PDE4B: variants seen among roughly 807,000 people sequenced by gnomAD.
The protein encoded by PDE4B is phosphodiesterase 4B.
A neutral mutation model predicts 82.2 loss-of-function variants in PDE4B; 20 were observed. The ratio of observed to expected loss-of-function variants is 0.24; its 90% CI spans 0.17 to 0.35. The LOEUF (loss-of-function observed/expected upper bound fraction) is 0.35, where lower values mean the gene tolerates loss of function less well. PDE4B is among the 10% of genes least tolerant of loss of function. PDE4B has a pLI of 1.00. For missense variants in PDE4B, 655 were observed against 907.2 expected (o/e 0.72, Z 3.57); for synonymous variants, 320 against 318.9 (o/e 1.00, Z -0.04).
At chr1:66,142,683 G>A (rs1646196477) in intron 3 of PDE4B, among the ~76,000 whole-genome samples, 1 of 152,158 alleles carries the variant, frequency 6.6e-6, no homozygotes, top group Non-Finnish European at 1.5e-5. Flanking sequence ...TACATACAGA[G>A]CATTTGCATC....
intron 3 of PDE4B, among the ~76,000 whole-genome samples, chr1:66,192,184 C>G (rs575572297): frequency 4.6e-5 from 7 of 151,796 alleles, no homozygotes; most frequent in South Asian, 2.1e-4. Flanking sequence ...ACTGTTCTAT[C>G]TCTCTCTCTC....
intron 1 of PDE4B, among the ~76,000 whole-genome samples, chr1:65,840,844 A>G (rs1478091243): frequency 6.6e-6 from 1 of 152,220 alleles, no homozygotes; most frequent in African/African-American, 2.4e-5. Flanking sequence ...GTCGCATTGA[A>G]TCAAATGTTT....
intron 3 of PDE4B, among the ~76,000 whole-genome samples, chr1:66,084,037 A>G (rs187560495): frequency 6.6e-6 from 1 of 152,176 alleles, no homozygotes; most frequent in Non-Finnish European, 1.5e-5. Context: ...ATCCTCAGCC[A>G]TTGAGTTATC....
At chr1:66,080,016 C>A (rs555256964) in intron 3 of PDE4B, among the ~76,000 whole-genome samples, 1 of 152,206 alleles carries the variant, frequency 6.6e-6, no homozygotes, top group East Asian at 1.9e-4. Flanking sequence ...CCAACAAAAG[C>A]CTGTTCTGTC....
chr1:66,344,006 C>T (rs1661213533), intron 8 of PDE4B, among the ~76,000 whole-genome samples: 1 of 152,170 alleles, frequency 6.6e-6, no homozygotes, highest in Non-Finnish European at 1.5e-5. Flanking sequence ...CTCCAACTCC[C>T]ACTCTGGATC....
In PDE4B at chr1:66,306,065, A is replaced by G. The variant is rs1023942789; in HGVS notation, c.635-26443A>G. 3.9e-5 allele frequency among the ~76,000 whole-genome samples: 6 copies of G among 152,174 alleles called. No homozygotes were observed. In the South Asian group the frequency reaches 8.3e-4, roughly 21 times the overall value. ...GGCAAGAATTTCAATAAGGGATTAT[A>G]GAAGACATCATCCAGGAAAAATAGA... On this transcript the variant is annotated intron_variant, in intron 7 of 16. Coordinates refer to ENST00000341517, the MANE Select transcript of PDE4B (RefSeq NM_002600.4).
rs201644396 is a variant in PDE4B, at chr1:66,135,480, AG to A, written c.282-111977del. Among the ~76,000 whole-genome samples, 1,046 of 152,338 alleles carry A rather than the reference AG, an allele frequency of 6.9e-3. 10 individuals are homozygous for A. The highest frequency in any genetic ancestry group is 0.024 in the African/African-American group (982 of 41,580). On this transcript the variant is annotated intron_variant, in intron 3 of 16. Coordinates refer to ENST00000341517, the MANE Select transcript of PDE4B (RefSeq NM_002600.4). ...GCAATAAGAATAGAGTGTGAAGAAT[AG>A]GGCAATGCTTGGAGATTGACTTGGC...
intron 4 of PDE4B, among the ~76,000 whole-genome samples, chr1:66,255,930 C>T (rs1654185584): frequency 1.3e-5 from 2 of 152,158 alleles, no homozygotes; most frequent in Admixed American, 1.3e-4. Context: ...CTTGGGAGGC[C>T]AAAGTGGGCC....
chr1:66,288,611 TA>T (rs1214889771), intron 7 of PDE4B, among the ~76,000 whole-genome samples: 2 of 152,134 alleles, frequency 1.3e-5, no homozygotes, highest in African/African-American at 4.8e-5. Flanking sequence ...TGGCTTACTA[TA>T]AATACACAGA....
chr1:65,910,283 A>T (rs1485795645), intron 1 of PDE4B, among the ~76,000 whole-genome samples: 3 of 152,188 alleles, frequency 2.0e-5, no homozygotes, highest in Non-Finnish European at 4.4e-5. Context: ...AGGACACAAA[A>T]CTATTTTTGC....
chr1:65,848,976 C>G (rs532305434), intron 1 of PDE4B, among the ~76,000 whole-genome samples: 1 of 152,062 alleles, frequency 6.6e-6, no homozygotes, highest in Admixed American at 6.5e-5. Context: ...ATTAAAATCA[C>G]TTAATAGATA....
intron 3 of PDE4B, among the ~76,000 whole-genome samples, chr1:66,053,999 G>A (rs1414373285): frequency 6.6e-6 from 1 of 152,134 alleles, no homozygotes; most frequent in Non-Finnish European, 1.5e-5. Context: ...TCAGGTAAGT[G>A]GAACAGTTGG....
chr1:65,972,203 A>G (rs1650177982), intron 3 of PDE4B, among the ~76,000 whole-genome samples: 2 of 152,308 alleles, frequency 1.3e-5, no homozygotes, highest in South Asian at 2.1e-4. Context: ...GTTTTAATGC[A>G]TATGCCTTGT....
intron 3 of PDE4B, among the ~76,000 whole-genome samples, chr1:65,984,222 G>C (rs1350720089): frequency 6.6e-6 from 1 of 152,142 alleles, no homozygotes; most frequent in Non-Finnish European, 1.5e-5. Flanking sequence ...ATAAAAACTT[G>C]ATCTTAGCAG....
chr1:66,200,454 G>A (rs571752353), intron 3 of PDE4B, among the ~76,000 whole-genome samples: 2 of 152,242 alleles, frequency 1.3e-5, no homozygotes, highest in African/African-American at 4.8e-5. Context: ...CCATTTTCAC[G>A]ATATTGATTC....
At chr1:66,205,545 A>G (rs1368292258) in intron 3 of PDE4B, among the ~76,000 whole-genome samples, 1 of 152,236 alleles carries the variant, frequency 6.6e-6, no homozygotes, top group African/African-American at 2.4e-5. Context: ...AACAGCAGTG[A>G]CAATAGGTAG....
chr1:66,063,419 C>T (rs574047966), intron 3 of PDE4B, among the ~76,000 whole-genome samples: 11 of 151,914 alleles, frequency 7.2e-5, no homozygotes, highest in African/African-American at 2.7e-4. Flanking sequence ...TTGACAGCTC[C>T]CCAGGTAATT....
At chr1:66,147,489 A>G (rs1018523558) in intron 3 of PDE4B, among the ~76,000 whole-genome samples, 2 of 152,224 alleles carry the variant, frequency 1.3e-5, no homozygotes, top group African/African-American at 2.4e-5. Context: ...CCACATGCCC[A>G]CACTCACAGT....
chr1:66,250,195 G>A (rs1414257551), intron 4 of PDE4B, among the ~76,000 whole-genome samples: 1 of 151,986 alleles, frequency 6.6e-6, no homozygotes, highest in East Asian at 1.9e-4. Context: ...CACACTTCCC[G>A]CCCCTTTTTT....
Sources: gnomAD v4.1 joint callset for allele counts (sites outside exome capture counted in the v4.1 genomes callset) on GRCh38, gnomAD v4.1.1 for gene constraint, MANE v1.5 for transcripts, NCBI Gene and HGNC (gene_info 2026-07-23, HGNC 2026-07-21) for gene names.